UNC5D: variants seen among roughly 807,000 people sequenced by gnomAD.
UNC5D encodes the protein netrin receptor UNC5D.
Under a neutral mutation model 105.4 loss-of-function variants are expected in UNC5D, and 39 were observed. The ratio of observed to expected loss-of-function variants is 0.37; its 90% CI spans 0.29 to 0.48. The LOEUF (loss-of-function observed/expected upper bound fraction) is 0.48. Ranked by LOEUF, UNC5D falls within the 20% of genes least tolerant of loss-of-function variation. The pLI is 0.98. For synonymous variants in UNC5D, 452 were observed against 450.4 expected (o/e 1.00, Z -0.04); for missense variants, 991 against 1,202.4 (o/e 0.82, Z 2.60).
At chr8:35,569,893 C>T (rs182793558) in intron 3 of UNC5D, among the ~76,000 whole-genome samples, 4 of 151,394 alleles carry the variant, frequency 2.6e-5, no homozygotes, top group Non-Finnish European at 5.9e-5. Flanking sequence ...TCACTTTTTC[C>T]TTTCCTGTTC....
intron 2 of UNC5D, among the ~76,000 whole-genome samples, chr8:35,561,260 G>T (rs1368308365): frequency 6.6e-6 from 1 of 152,002 alleles, no homozygotes; most frequent in Non-Finnish European, 1.5e-5. Flanking sequence ...AGACAACTCG[G>T]GTACCAACAA....
At chr8:35,641,202 C>T (rs1207341231) in intron 4 of UNC5D, among the ~76,000 whole-genome samples, 1 of 151,770 alleles carries the variant, frequency 6.6e-6, no homozygotes, top group African/African-American at 2.4e-5. Flanking sequence ...GAATTTTTTC[C>T]TGTGTTGATA....
chr8:35,512,465 CATATATATATATATATATATAT>C (rs780945660), intron 1 of UNC5D, among the ~76,000 whole-genome samples: 227 of 20,112 alleles, frequency 0.011, 9 homozygotes, highest in African/African-American at 0.034. Context: ...AATAGTGAGC[CATATATATATATATATATATAT>C]ATATATATAT....
chr8:35,736,130 C>T (rs1829456389), intron 11 of UNC5D, among the ~76,000 whole-genome samples: 2 of 152,062 alleles, frequency 1.3e-5, no homozygotes, highest in South Asian at 4.1e-4. Flanking sequence ...GTAACACACC[C>T]CCTCCTTCTG....
chr8:35,405,144 C>T (rs1804722146), intron 1 of UNC5D, among the ~76,000 whole-genome samples: 1 of 152,084 alleles, frequency 6.6e-6, no homozygotes, highest in Non-Finnish European at 1.5e-5. Flanking sequence ...TTCCTGCAAG[C>T]AATCTCATTT....
At chr8:35,585,048 G>C (rs566350372) in intron 3 of UNC5D, among the ~76,000 whole-genome samples, 3 of 152,226 alleles carry the variant, frequency 2.0e-5, no homozygotes, top group South Asian at 4.1e-4. Flanking sequence ...AACTACAACT[G>C]TCTCTACTCA....
chr8:35,238,764 G>A (rs1276697775), intron 1 of UNC5D, among the ~76,000 whole-genome samples: 1 of 152,098 alleles, frequency 6.6e-6, no homozygotes, highest in Non-Finnish European at 1.5e-5. Flanking sequence ...AATTTTGATT[G>A]CAATAACTAG....
At chr8:35,711,639 C>T (rs907251198) in intron 8 of UNC5D, among the ~76,000 whole-genome samples, 2 of 152,170 alleles carry the variant, frequency 1.3e-5, no homozygotes, top group African/African-American at 4.8e-5. Flanking sequence ...AAGTCTCTTT[C>T]CCTCATCCTA....
At chr8:35,607,262 A>C (rs1820353539) in intron 4 of UNC5D, among the ~76,000 whole-genome samples, 1 of 152,206 alleles carries the variant, frequency 6.6e-6, no homozygotes, top group Non-Finnish European at 1.5e-5. Context: ...CTTTTCTGAC[A>C]CATTTCCAAA....
At chr8:35,757,489 G>A (rs1212881526) in intron 13 of UNC5D, among the ~76,000 whole-genome samples, 1 of 152,072 alleles carries the variant, frequency 6.6e-6, no homozygotes, top group Non-Finnish European at 1.5e-5. Flanking sequence ...ACCTCCCCTA[G>A]TAATGTCTAG....
chr8:35,689,557 C>G lies in UNC5D; in HGVS notation c.1084+2848C>G, dbSNP rs188824792. 1.1e-4 allele frequency among the ~76,000 whole-genome samples: 17 copies of G among 152,324 alleles called. No individual in the cohort carries two copies. In the East Asian group the frequency reaches 3.1e-3, roughly 28 times the overall value. On this transcript the variant is annotated intron_variant, in intron 7 of 16. Coordinates refer to ENST00000404895, the MANE Select transcript of UNC5D (RefSeq NM_080872.4). ...CCAGCAAGTCCAAAATCTGCAAAGC[C>G]AATGTCCCAGTTCAAGCCCAAAAGT...
At chr8:35,623,449 G>T (rs914032205) in intron 4 of UNC5D, among the ~76,000 whole-genome samples, 1 of 152,116 alleles carries the variant, frequency 6.6e-6, no homozygotes, top group African/African-American at 2.4e-5. Context: ...TGCCAAAATT[G>T]TTTTTCTCCC....
At chr8:35,744,127 G>A (rs1829894073) in intron 11 of UNC5D, among the ~76,000 whole-genome samples, 1 of 152,144 alleles carries the variant, frequency 6.6e-6, no homozygotes, top group South Asian at 2.1e-4. Flanking sequence ...TACAGAATGT[G>A]CCTTCCTCTG....
At chr8:35,772,983 A>T (rs1361965938) in intron 15 of UNC5D, among the ~76,000 whole-genome samples, 2 of 152,104 alleles carry the variant, frequency 1.3e-5, no homozygotes, top group African/African-American at 4.8e-5. Context: ...GCTTTCCTCT[A>T]GACAAGGAGA....
intron 4 of UNC5D, among the ~76,000 whole-genome samples, chr8:35,641,671 G>A (rs1188260404): frequency 6.6e-6 from 1 of 152,078 alleles, no homozygotes; most frequent in Non-Finnish European, 1.5e-5. Flanking sequence ...GAAAGAAAAG[G>A]ATAAACTGAG....
chr8:35,420,218 A>G (rs563041227), intron 1 of UNC5D, among the ~76,000 whole-genome samples: 1 of 152,272 alleles, frequency 6.6e-6, no homozygotes, highest in South Asian at 2.1e-4. Flanking sequence ...TTTTTTTACA[A>G]TAAAAGAACA....
rs1278841009 is a variant in UNC5D at position 35,538,407 on chromosome 8, A to G, written c.104-10885A>G. Among the ~76,000 whole-genome samples the G allele has an allele frequency of 2.0e-3, 84 of 42,088 alleles. 1 individual carries two copies. Among genetic ancestry groups the G allele is most frequent in the South Asian group, 2.7e-3 (2 of 730 alleles). 27.6% of individuals were successfully genotyped at this position (42,088 alleles called of 152,430 possible). On this transcript the variant is annotated intron_variant, in intron 1 of 16. Coordinates refer to ENST00000404895, the MANE Select transcript of UNC5D (RefSeq NM_080872.4). The stretch of plus-strand genomic sequence containing the variant: ...TAAAAAAAAATAATTATATATATAT[A>G]TATATATATATATATATATATATAT...
rs1803096295 is a variant in UNC5D, at chr8:35,246,340, TTCA to T, written c.103+10455_103+10457del. Among the ~76,000 whole-genome samples the T allele has an allele frequency of 3.9e-5, 6 of 152,320 alleles. No homozygotes were observed. The South Asian group carries it at 1.2e-3, about 32-fold the overall frequency. ...AAATTGCAGGACAAGTTAATGGGAC[TTCA>T]TAATGACGTTGGTAATCCTTGGCTT... On this transcript the variant is annotated intron_variant, in intron 1 of 16. Transcript: ENST00000404895.
chr8:35,697,911 C>T (rs1420891148), intron 7 of UNC5D, among the ~76,000 whole-genome samples: 1 of 152,072 alleles, frequency 6.6e-6, no homozygotes. Flanking sequence ...CTGATAGCCT[C>T]ATATCAGTTA....
Sources: allele counts gnomAD v4.1 joint callset (sites outside exome capture counted in the v4.1 genomes callset), GRCh38; gene constraint gnomAD v4.1.1; transcripts MANE v1.5; gene names NCBI Gene and HGNC (gene_info 2026-07-23, HGNC 2026-07-21).